The following PDE1C variants were observed in gnomAD, a reference collection of about 807,000 sequenced individuals.
PDE1C encodes the protein phosphodiesterase 1C.
Under a neutral mutation model 93.1 loss-of-function variants are expected in PDE1C, and 62 were observed. The observed-to-expected ratio is 0.67, with a 90% CI of 0.54 to 0.82. The LOEUF (loss-of-function observed/expected upper bound fraction) is 0.82, where lower values mean the gene tolerates loss of function less well. Among genes scored for constraint, PDE1C ranks in the 40% least tolerant of loss-of-function variants. The probability of loss-of-function intolerance (pLI) is 0.00; values close to 1 mark genes in which losing one functional copy is unlikely to be tolerated. For missense variants in PDE1C, 742 were observed against 884.6 expected, an observed-to-expected ratio of 0.84 and a Z score of 2.04; for synonymous variants, 325 against 310.1, an observed-to-expected ratio of 1.05 and a Z score of -0.50.
chr7:32,118,271 T>C (rs548683020), intron 3 of PDE1C, among the ~76,000 whole-genome samples: 4 of 152,264 alleles, frequency 2.6e-5, no homozygotes, highest in African/African-American at 9.6e-5. Context: ...TGTGAGCAGA[T>C]AGAGAAATAT....
chr7:32,176,760 T>G (rs1244879762), intron 2 of PDE1C, among the ~76,000 whole-genome samples: 1 of 152,166 alleles, frequency 6.6e-6, no homozygotes, highest in African/African-American at 2.4e-5. Flanking sequence ...CTGTTGTTGA[T>G]AATCATAAAG....
chr7:32,396,465 G>A (rs1784841493), intron 1 of PDE1C, among the ~76,000 whole-genome samples: 1 of 150,158 alleles, frequency 6.7e-6, no homozygotes, highest in Admixed American at 6.7e-5. Flanking sequence ...ACAACAGAGT[G>A]AGACCTTGTG....
rs143477579 is a variant in PDE1C, at chr7:32,241,620, G to A, written c.86-32081C>T. Among the ~76,000 whole-genome samples the A allele has an allele frequency of 1.3e-3, 200 of 152,258 alleles. 1 individual carries two copies. Among genetic ancestry groups the A allele is most frequent in the Middle Eastern group, 6.8e-3 (2 of 294 alleles). ...AAATGGGGCAATCACTAGAGGAGAC[G>A]GTTATGTCAATACATGGTTTCTTTT... On this transcript the variant is annotated intron_variant, in intron 1 of 18. Transcript: ENST00000396193.
At chr7:31,675,726 T>C in the PDE1C span, among the ~76,000 whole-genome samples, 1 of 151,580 alleles carries the variant, frequency 6.6e-6, no homozygotes, top group Non-Finnish European at 1.5e-5. Context: ...AAATAATATA[T>C]TGGTTAGGGC....
intron 6 of PDE1C, among the ~76,000 whole-genome samples, chr7:31,872,746 C>T (rs905116534): frequency 1.3e-5 from 2 of 152,046 alleles, no homozygotes; most frequent in Non-Finnish European, 2.9e-5. Flanking sequence ...TATTAGAAGG[C>T]TGTAGGGAGT....
intron 7 of PDE1C, among the ~76,000 whole-genome samples, chr7:31,858,708 G>C (rs1176075290): frequency 6.6e-6 from 1 of 152,004 alleles, no homozygotes; most frequent in Non-Finnish European, 1.5e-5. Flanking sequence ...TGCTAGTCAT[G>C]ATTACTTATG....
chr7:31,899,087 T>A (rs952325488), intron 2 of PDE1C, among the ~76,000 whole-genome samples: 1 of 151,684 alleles, frequency 6.6e-6, no homozygotes, highest in Non-Finnish European at 1.5e-5. Flanking sequence ...CTTAGTGGAC[T>A]GTTGCTTTTA....
At chr7:31,792,526 G>C (rs1005753286) in intron 16 of PDE1C, among the ~76,000 whole-genome samples, 1 of 151,982 alleles carries the variant, frequency 6.6e-6, no homozygotes, top group Non-Finnish European at 1.5e-5. Context: ...TCAATAGTAA[G>C]GTATGATATG....
At chr7:32,226,548 T>G (rs1246817774) in intron 1 of PDE1C, among the ~76,000 whole-genome samples, 1 of 152,134 alleles carries the variant, frequency 6.6e-6, no homozygotes. Context: ...GGGGTTTAGA[T>G]GGGCTGGTCA....
At chr7:31,769,919 G>A (rs1795375221) in intron 17 of PDE1C, among the ~76,000 whole-genome samples, 1 of 152,134 alleles carries the variant, frequency 6.6e-6, no homozygotes, top group African/African-American at 2.4e-5. Context: ...GTTCATCCAT[G>A]TTGTAAAATG....
chr7:31,775,804 C>T, intron 16 of PDE1C, 72 bp from the exon 17 acceptor site: 1 of 1,279,262 alleles, frequency 7.8e-7, no homozygotes, highest in Non-Finnish European at 1.1e-6. Flanking sequence ...AAATGTTCAT[C>T]TGAAATGTTA....
chr7:31,898,981 T>G (rs1304524471), intron 2 of PDE1C, among the ~76,000 whole-genome samples: 2 of 152,104 alleles, frequency 1.3e-5, no homozygotes, highest in Non-Finnish European at 2.9e-5. Context: ...GTTATTTATA[T>G]TTCTAATATA....
chr7:31,716,038 C>T, the PDE1C span, among the ~76,000 whole-genome samples: 1 of 152,152 alleles, frequency 6.6e-6, no homozygotes, highest in Non-Finnish European at 1.5e-5. Context: ...AGCTAAGGAC[C>T]AACTGCGTGC....
chr7:32,345,727 A>G (rs1265162645), intron 1 of PDE1C, among the ~76,000 whole-genome samples: 4 of 152,224 alleles, frequency 2.6e-5, no homozygotes. Flanking sequence ...ATATATGGAT[A>G]GTAAATAAAC....
chr7:31,696,565 G>C, the PDE1C span, among the ~76,000 whole-genome samples: 2 of 152,122 alleles, frequency 1.3e-5, no homozygotes, highest in African/African-American at 4.8e-5. Context: ...GACGCAGCTT[G>C]CAATACATCA....
At chr7:32,376,449 G>A (rs943947846) in intron 1 of PDE1C, among the ~76,000 whole-genome samples, 4 of 152,176 alleles carry the variant, frequency 2.6e-5, no homozygotes, top group African/African-American at 7.2e-5. Flanking sequence ...CACCCACTGG[G>A]ATTGCTGGCA....
intron 2 of PDE1C, among the ~76,000 whole-genome samples, chr7:31,975,337 A>G (rs552568062): frequency 6.6e-6 from 1 of 152,284 alleles, no homozygotes; most frequent in East Asian, 1.9e-4. Context: ...ATGTCTATAA[A>G]TACTTTTTCC....
intron 2 of PDE1C, among the ~76,000 whole-genome samples, chr7:32,186,411 T>G (rs1803886839): frequency 6.6e-6 from 1 of 151,600 alleles, no homozygotes; most frequent in Non-Finnish European, 1.5e-5. Flanking sequence ...CCTAATTTGT[T>G]TTTTAAATCA....
At chr7:31,937,401 A>G (rs776037054) in intron 2 of PDE1C, among the ~76,000 whole-genome samples, 57 of 152,200 alleles carry the variant, frequency 3.7e-4, no homozygotes, top group Admixed American at 2.0e-4. Context: ...CTGCTACAAA[A>G]AGTCTGTTTT....
Sources: allele counts gnomAD v4.1 joint callset (sites outside exome capture counted in the v4.1 genomes callset), GRCh38; gene constraint gnomAD v4.1.1; transcripts MANE v1.5; gene names NCBI Gene and HGNC (gene_info 2026-07-23, HGNC 2026-07-21).